The following TANC2 variants were observed in gnomAD, a reference collection of about 807,000 sequenced individuals.
TANC2 encodes the protein protein TANC2.
Under a neutral mutation model 210.5 loss-of-function variants are expected in TANC2, and 26 were observed. The ratio of observed to expected loss-of-function variants is 0.12; its 90% confidence interval spans 0.09 to 0.17. TANC2 has a LOEUF of 0.17. Ranked by LOEUF, TANC2 falls within the 10% of genes least tolerant of loss-of-function variation. The pLI is 1.00. For missense variants in TANC2, 2,129 were observed against 2,608.9 expected, an observed-to-expected ratio of 0.82 and a Z score of 4.01; for synonymous variants, 931 against 967.1, an observed-to-expected ratio of 0.96 and a Z score of 0.69.
intron 2 of TANC2, among the ~76,000 whole-genome samples, chr17:63,014,859 A>G (rs955908027): frequency 1.3e-5 from 2 of 152,154 alleles, no homozygotes; most frequent in Non-Finnish European, 2.9e-5. Context: ...ATTGTTTACA[A>G]TTTAGAATTA....
intron 14 of TANC2, among the ~76,000 whole-genome samples, chr17:63,362,385 G>GC (rs1038806819): frequency 5.3e-5 from 8 of 152,162 alleles, no homozygotes; most frequent in African/African-American, 9.7e-5. Context: ...TGACAGCCCA[G>GC]CCCCCATGCT....
At chr17:63,194,232 A>G in intron 6 of TANC2, 93 bp downstream of exon 6, 1 of 1,235,362 alleles carries the variant, frequency 8.1e-7, no homozygotes, top group East Asian at 2.7e-5. Context: ...TTTGAGGCCT[A>G]GAATACAACT....
chr17:63,070,608 A>G (rs1392990172), intron 2 of TANC2, among the ~76,000 whole-genome samples: 3 of 152,192 alleles, frequency 2.0e-5, no homozygotes, highest in East Asian at 1.9e-4. Flanking sequence ...GGCCAAATCT[A>G]GGTCACTCCT....
intron 6 of TANC2, among the ~76,000 whole-genome samples, 191 bp downstream of exon 6, chr17:63,194,330 T>C (rs2041275252): frequency 6.6e-6 from 1 of 152,236 alleles, no homozygotes; most frequent in Non-Finnish European, 1.5e-5. Context: ...AAGCCACTTT[T>C]AGGTTTTGAT....
intron 14 of TANC2, among the ~76,000 whole-genome samples, chr17:63,363,346 A>G (rs1172091144): frequency 2.6e-5 from 4 of 152,180 alleles, no homozygotes; most frequent in African/African-American, 9.7e-5. Flanking sequence ...TTTGCTGTGC[A>G]GAAGCTTTGT....
At chr17:63,218,943 T>C (rs2145916778) in intron 7 of TANC2, among the ~76,000 whole-genome samples, 1 of 151,888 alleles carries the variant, frequency 6.6e-6, no homozygotes, top group East Asian at 1.9e-4. Context: ...AGGTGTAGGA[T>C]CAATATGCAA....
chr17:63,246,133 T>C (rs2042912997), intron 8 of TANC2, among the ~76,000 whole-genome samples: 1 of 152,120 alleles, frequency 6.6e-6, no homozygotes, highest in Non-Finnish European at 1.5e-5. Flanking sequence ...AATTATCTAT[T>C]TTAGTGTTGC....
At chr17:63,162,715 C>G (rs767714239) in intron 5 of TANC2, among the ~76,000 whole-genome samples, 3 of 151,988 alleles carry the variant, frequency 2.0e-5, no homozygotes, top group Non-Finnish European at 2.9e-5. Context: ...TAGAAAGCCT[C>G]TTCTGATTGT....
chr17:63,272,511 TAAG>T (rs1255900667), intron 9 of TANC2, among the ~76,000 whole-genome samples: 1 of 152,184 alleles, frequency 6.6e-6, no homozygotes, highest in African/African-American at 2.4e-5. Context: ...GGCAGTTTGA[TAAG>T]AATAACATTG....
intron 2 of TANC2, among the ~76,000 whole-genome samples, chr17:63,042,183 T>A (rs900752955): frequency 6.6e-6 from 1 of 152,130 alleles, no homozygotes; most frequent in South Asian, 2.1e-4. Context: ...AAAATTCTTA[T>A]ATTTAAATGG....
chr17:63,418,379 G>A lies in TANC2; in HGVS notation c.4240G>A (p.Ala1414Thr). 1 of 1,612,808 alleles carries A rather than the reference G, an allele frequency of 6.2e-7. No individual in the cohort carries two copies. Among genetic ancestry groups the A allele is most frequent in the Non-Finnish European group, 8.5e-7 (1 of 1,179,444 alleles). ...ACCGAAATCTTATGAAGCTTACTAT[G>A]CGAGAGCAAGGGCAAAACGCAGCAG... The change falls in exon 27 of 28, where the codon GCG (alanine) becomes ACG (threonine). Residue 1414 changes from alanine to threonine, a missense_variant. This residue lies in a region of TANC2 where 644 missense variants were observed against 937.5 expected (regional missense o/e 0.69). Coordinates refer to ENST00000689528, the Ensembl canonical transcript of TANC2. This position sits in a 1 kb window ranked among gnomAD's most constrained non-coding sequence, Gnocchi z 4.6.
chr17:63,411,190 C>G (rs896836734), intron 21 of TANC2, among the ~76,000 whole-genome samples: 1 of 151,942 alleles, frequency 6.6e-6, no homozygotes, highest in Non-Finnish European at 1.5e-5. Context: ...ACGGGAGATC[C>G]GAGAGGCAGT....
Position 63,420,871 on chromosome 17 carries a change from C to G in TANC2, c.5141C>G (p.Thr1714Arg). The change falls in exon 28 of 28, where the codon ACA becomes AGA. Residue 1714 changes from threonine to arginine, a missense_variant. Transcript: ENST00000689528. The surrounding 1 kb of genome is among the most constrained non-coding windows in gnomAD (Gnocchi z 4.2). ...GTCCATTCAAGCACCGTCATCCCCA[C>G]AGGAGCCTATGGCCAAGTAGCCCAT... is the stretch of plus-strand genomic sequence containing the variant. 1 of 1,614,064 alleles carries G rather than the reference C, an allele frequency of 6.2e-7. No individual in the cohort carries two copies. Among genetic ancestry groups the G allele is most frequent in the Non-Finnish European group, 8.5e-7 (1 of 1,179,900 alleles).
chr17:63,226,336 G>A (rs528299916), intron 7 of TANC2, among the ~76,000 whole-genome samples: 23 of 152,100 alleles, frequency 1.5e-4, no homozygotes, highest in African/African-American at 5.3e-4. Flanking sequence ...CATGTGCCTC[G>A]GTTGCCCTTA....
intron 14 of TANC2, among the ~76,000 whole-genome samples, chr17:63,364,546 G>A (rs1003588777): frequency 6.6e-6 from 1 of 151,956 alleles, no homozygotes; most frequent in Non-Finnish European, 1.5e-5. Flanking sequence ...TTTATGAGTT[G>A]GCAAGAATAT....
chr17:63,098,678 T>C (rs567116364), intron 3 of TANC2, among the ~76,000 whole-genome samples: 1 of 152,030 alleles, frequency 6.6e-6, no homozygotes, highest in South Asian at 2.1e-4. Flanking sequence ...AGCATGTAAT[T>C]ACTCTTTTTA....
intron 4 of TANC2, among the ~76,000 whole-genome samples, chr17:63,141,899 G>T (rs1567758363): frequency 6.6e-6 from 1 of 152,154 alleles, no homozygotes; most frequent in East Asian, 1.9e-4. Flanking sequence ...GTCTATAGAT[G>T]TAATGTTGGA....
chr17:63,099,464 G>A, intron 4 of TANC2, 107 bp downstream of exon 4: 1 of 761,522 alleles, frequency 1.3e-6, no homozygotes, highest in Non-Finnish European at 1.9e-6. Flanking sequence ...TTCCTCTCTG[G>A]CCTTCCTAAT....
At chr17:63,295,391 A>G (rs760969815) in intron 9 of TANC2, among the ~76,000 whole-genome samples, 10 of 152,244 alleles carry the variant, frequency 6.6e-5, no homozygotes, top group Non-Finnish European at 1.0e-4. Context: ...TTAATAGACT[A>G]TTTCTCAGAA....
Sources: allele counts gnomAD v4.1 joint callset (sites outside exome capture counted in the v4.1 genomes callset), GRCh38; gene constraint gnomAD v4.1.1; regional missense constraint gnomAD v4.1.1; non-coding constraint Gnocchi (gnomAD v3.1); transcripts MANE v1.5; gene names NCBI Gene and HGNC (gene_info 2026-07-23, HGNC 2026-07-21).